Variants in TERF1 observed in about 807,000 individuals in gnomAD.
TERF1 encodes telomeric repeat binding factor 1.
TERF1 carries 20 observed loss-of-function variants against 55.1 expected under a neutral mutation model. That is an observed-to-expected ratio of 0.36 (90% CI 0.26 to 0.53). The LOEUF (loss-of-function observed/expected upper bound fraction) is 0.53, where lower values mean the gene tolerates loss of function less well. TERF1 is among the 20% of genes least tolerant of loss of function. TERF1 has a pLI of 0.91. For missense variants in TERF1, 439 were observed against 535.7 expected (o/e 0.82, Z 1.78); for synonymous variants, 168 against 181.2 (o/e 0.93, Z 0.59).
intron 8 of TERF1, among the ~76,000 whole-genome samples, chr8:73,037,004 AT>A (rs1174553015): frequency 7.2e-6 from 1 of 139,058 alleles, no homozygotes; most frequent in Non-Finnish European, 1.5e-5. Flanking sequence ...AGTATGGTTT[AT>A]ATGTAATATA....
intron 1 of TERF1, chr8:73,009,658 T>C: frequency 6.5e-6 from 1 of 154,666 alleles, no homozygotes; most frequent in Non-Finnish European, 1.4e-5. Context: ...TTTTATTCTG[T>C]GTAGTCTCAG....
At chr8:73,015,443 TG>T (rs1258952318) in intron 2 of TERF1, among the ~76,000 whole-genome samples, 3 of 152,030 alleles carry the variant, frequency 2.0e-5, no homozygotes, top group African/African-American at 7.2e-5. Context: ...GACTCACACC[TG>T]TAATCCCAGT....
chr8:73,029,405 A>G (rs1809179014), intron 6 of TERF1, among the ~76,000 whole-genome samples: 2 of 152,068 alleles, frequency 1.3e-5, no homozygotes, highest in Admixed American at 1.3e-4. Flanking sequence ...CAGGAGGATC[A>G]CTTGAGCCCA....
chr8:73,020,512 C>A (rs1003618787), intron 2 of TERF1, among the ~76,000 whole-genome samples, 172 bp from the exon 3 acceptor site: 5 of 152,078 alleles, frequency 3.3e-5, no homozygotes, highest in Non-Finnish European at 1.5e-5. Flanking sequence ...TGAAATTGAT[C>A]TTAATGAGCA....
chr8:73,043,460 T>G (rs1033721434), intron 9 of TERF1: 4 of 152,188 alleles, frequency 2.6e-5, no homozygotes, highest in Non-Finnish European at 5.9e-5. Flanking sequence ...GCAAAATTTT[T>G]CTATAAAGAG....
Position 73,022,291 on chromosome 8 carries a change from A to G in TERF1, c.613A>G (p.Asn205Asp), listed in dbSNP as rs147608592. Residue 205 changes from asparagine to aspartate, a missense_variant, in exon 4 of 10, where the codon AAT (asparagine) becomes GAT (aspartate). By Grantham distance (23) the Asn-to-Asp change is conservative. Transcript: ENST00000276603. ...CTTTGAAAGAATATTTGGTGATCCA[A>G]ATTCTCATATGGTAATTATTTAAAT... is the stretch of plus-strand genomic sequence containing the variant. ...EVFERIFGDP[N>D]SHMPFKSKLL... 201 of 1,573,694 alleles carry G rather than the reference A, an allele frequency of 1.3e-4. No individual in the cohort carries two copies. The African/African-American group carries it at 2.3e-3, about 18-fold the overall frequency.
chr8:73,037,553 G>T (rs1183812416), intron 8 of TERF1, among the ~76,000 whole-genome samples: 1 of 95,060 alleles, frequency 1.1e-5, no homozygotes, highest in Non-Finnish European at 2.0e-5. Flanking sequence ...TAAAATATTC[G>T]GGGGGGAAAA....
At chr8:73,044,273 A>G (rs960773346) in intron 9 of TERF1, among the ~76,000 whole-genome samples, 3 of 152,188 alleles carry the variant, frequency 2.0e-5, no homozygotes, top group Non-Finnish European at 4.4e-5. Flanking sequence ...CTGCAGACAA[A>G]CAAAAGCAAA....
intron 8 of TERF1, among the ~76,000 whole-genome samples, chr8:73,038,346 CAGG>C (rs1228757681): frequency 1.3e-5 from 2 of 151,764 alleles, no homozygotes; most frequent in Admixed American, 1.3e-4. Context: ...ACCAGCTACT[CAGG>C]AGGCTGAGGT....
At chr8:73,010,677 A>G (rs1018682878) in intron 1 of TERF1, 1 of 152,236 alleles carries the variant, frequency 6.6e-6, no homozygotes, top group East Asian at 1.9e-4. Flanking sequence ...ATTCCATAAA[A>G]TAAGTGCTCA....
intron 9 of TERF1, among the ~76,000 whole-genome samples, chr8:73,045,084 T>A (rs1563477158): frequency 6.6e-6 from 1 of 152,102 alleles, no homozygotes; most frequent in African/African-American, 2.4e-5. Flanking sequence ...TTTTAAAAAA[T>A]TTTTTGGGTA....
At chr8:73,025,310 A>G (rs1808929784) in intron 5 of TERF1, among the ~76,000 whole-genome samples, 1 of 152,224 alleles carries the variant, frequency 6.6e-6, no homozygotes, top group Non-Finnish European at 1.5e-5. Flanking sequence ...GAAAAATAGA[A>G]TTGTATTAAA....
At chr8:73,014,084 C>T (rs1006573825) in intron 2 of TERF1, 94 bp downstream of exon 2, 11 of 1,015,330 alleles carry the variant, frequency 1.1e-5, no homozygotes, top group African/African-American at 3.2e-5. Flanking sequence ...GGGAAGTTTG[C>T]CTACAAGTGT....
chr8:73,037,841 T>TATATTATATATAATATATAGTATA (rs1809653533), intron 8 of TERF1, among the ~76,000 whole-genome samples: 1 of 108,026 alleles, frequency 9.3e-6, no homozygotes, highest in African/African-American at 3.8e-5. Context: ...TAATAATATA[T>TATATTATATATAATATATAGTATA]ATAATATATA....
intron 4 of TERF1, 44 bp downstream of exon 4, chr8:73,022,346 G>A: frequency 5.7e-6 from 7 of 1,235,916 alleles, no homozygotes; most frequent in Non-Finnish European, 8.0e-6. Context: ...AAGTGTTTAT[G>A]TAGAGTGAGG....
At chr8:73,039,773 GTGTGTGTGT>G (rs1809755355) in intron 9 of TERF1, among the ~76,000 whole-genome samples, 1 of 68,140 alleles carries the variant, frequency 1.5e-5, no homozygotes, top group South Asian at 4.6e-4. Context: ...TTTTTGTGGT[GTGTGTGTGT>G]GTGTGTGTGT....
chr8:73,045,277 C>A (rs1186245157), intron 9 of TERF1, among the ~76,000 whole-genome samples: 1 of 152,226 alleles, frequency 6.6e-6, no homozygotes, highest in East Asian at 1.9e-4. Context: ...TGGAGAATTT[C>A]TTGTAGTCTA....
At chr8:73,025,472 G>T (rs992930333) in intron 5 of TERF1, among the ~76,000 whole-genome samples, 4 of 152,010 alleles carry the variant, frequency 2.6e-5, no homozygotes, top group African/African-American at 9.7e-5. Context: ...AATTAGCTGG[G>T]CCGGGCGCGG....
chr8:73,023,827 G>A (rs188473356), intron 4 of TERF1, among the ~76,000 whole-genome samples: 61 of 152,308 alleles, frequency 4.0e-4, no homozygotes, highest in Non-Finnish European at 7.6e-4. Flanking sequence ...ATTGAGAAAT[G>A]ATTGTACTGC....
Sources: allele counts gnomAD v4.1 joint callset (sites outside exome capture counted in the v4.1 genomes callset), GRCh38; gene constraint gnomAD v4.1.1; transcripts MANE v1.5; gene names NCBI Gene and HGNC (gene_info 2026-07-23, HGNC 2026-07-21).